RBFOX1: variants seen among roughly 807,000 people sequenced by gnomAD.
RBFOX1 encodes the protein RNA binding protein fox-1 homolog 1.
Under a neutral mutation model 57.7 loss-of-function variants are expected in RBFOX1, and 8 were observed. The ratio of observed to expected loss-of-function variants is 0.14; its 90% CI spans 0.08 to 0.25. The LOEUF is 0.25. RBFOX1 is among the 10% of genes least tolerant of loss of function. The pLI is 1.00. For synonymous variants in RBFOX1, 326 were observed against 222.4 expected (o/e 1.47, Z -4.15); for missense variants, 611 against 548.5 (o/e 1.11, Z -1.14).
chr16:7,392,754 G>C (rs779798798), intron 4 of RBFOX1, among the ~76,000 whole-genome samples: 1 of 152,158 alleles, frequency 6.6e-6, no homozygotes, highest in Non-Finnish European at 1.5e-5. Context: ...GGTCATTGCT[G>C]AATCTAAGGG....
intron 4 of RBFOX1, among the ~76,000 whole-genome samples, chr16:7,304,939 TGTGTG>T (rs1414701553): frequency 7.3e-5 from 11 of 150,916 alleles, no homozygotes; most frequent in Non-Finnish European, 1.6e-4. Flanking sequence ...TGTGTGTGTG[TGTGTG>T]TGTGTGTGTG....
intron 3 of RBFOX1, among the ~76,000 whole-genome samples, chr16:6,860,185 T>C (rs1227710080): frequency 6.6e-6 from 1 of 152,228 alleles, no homozygotes; most frequent in African/African-American, 2.4e-5. Flanking sequence ...TCATCTGCAA[T>C]AGCGGAAATG....
At chr16:5,702,894 A>T (rs1567418965) in intron 3 of RBFOX1, among the ~76,000 whole-genome samples, 1 of 152,150 alleles carries the variant, frequency 6.6e-6, no homozygotes, top group Non-Finnish European at 1.5e-5. Flanking sequence ...AATATGGGGA[A>T]TAGGGGATAC....
intron 3 of RBFOX1, among the ~76,000 whole-genome samples, chr16:5,703,125 G>A (rs1349162627): frequency 6.6e-6 from 1 of 152,172 alleles, no homozygotes; most frequent in Admixed American, 6.5e-5. Context: ...GGCATTTACA[G>A]TCTAAGGCAT....
chr16:6,894,770 C>T (rs918508972), intron 3 of RBFOX1, among the ~76,000 whole-genome samples: 1 of 152,080 alleles, frequency 6.6e-6, no homozygotes, highest in African/African-American at 2.4e-5. Context: ...TTTCTATTAT[C>T]TTAAAAAGCC....
intron 4 of RBFOX1, among the ~76,000 whole-genome samples, chr16:7,368,279 A>G (rs2097500684): frequency 1.3e-5 from 2 of 150,466 alleles, no homozygotes; most frequent in Non-Finnish European, 3.0e-5. Context: ...AAAAAAAAAA[A>G]GAGAGAGAAG....
intron 1 of RBFOX1, among the ~76,000 whole-genome samples, chr16:6,065,579 C>G (rs889697): frequency 0.93 from 141,495 of 152,264 alleles, 65,807 homozygotes; most frequent in African/African-American, 0.96. Flanking sequence ...CTGGGGGTTT[C>G]TTAGCAGATA....
At chr16:6,804,610 C>T (rs2086285606) in intron 3 of RBFOX1, among the ~76,000 whole-genome samples, 1 of 152,130 alleles carries the variant, frequency 6.6e-6, no homozygotes, top group African/African-American at 2.4e-5. Context: ...TCAAGTTTCA[C>T]AATGTGTTCT....
chr16:7,561,462 A>T (rs529647398), intron 5 of RBFOX1, among the ~76,000 whole-genome samples: 1 of 152,232 alleles, frequency 6.6e-6, no homozygotes, highest in Non-Finnish European at 1.5e-5. Flanking sequence ...CCACCTGCCA[A>T]TGCAGGAGAA....
chr16:6,734,192 G>A (rs188532579), intron 3 of RBFOX1, among the ~76,000 whole-genome samples: 9 of 152,166 alleles, frequency 5.9e-5, no homozygotes, highest in African/African-American at 1.4e-4. Flanking sequence ...GCCCACATCC[G>A]TGCAGCTCTG....
At chr16:6,721,414 G>T (rs2065969315) in intron 3 of RBFOX1, among the ~76,000 whole-genome samples, 1 of 152,212 alleles carries the variant, frequency 6.6e-6, no homozygotes, top group Admixed American at 6.5e-5. Context: ...CTGCACTCCA[G>T]CCTGGGGGAC....
intron 5 of RBFOX1, among the ~76,000 whole-genome samples, chr16:7,575,355 G>T (rs1255846072): frequency 6.6e-6 from 1 of 152,072 alleles, no homozygotes; most frequent in African/African-American, 2.4e-5. Flanking sequence ...GGCTGGTCTT[G>T]AACTCCTTAC....
intron 2 of RBFOX1, among the ~76,000 whole-genome samples, chr16:5,570,268 C>G (rs2046235783): frequency 6.6e-6 from 1 of 152,072 alleles, no homozygotes; most frequent in Non-Finnish European, 1.5e-5. Context: ...GGTATGGGTT[C>G]AAATCCTGTT....
At chr16:7,035,065 C>T (rs1251191749) in intron 3 of RBFOX1, among the ~76,000 whole-genome samples, 1 of 151,446 alleles carries the variant, frequency 6.6e-6, no homozygotes, top group African/African-American at 2.4e-5. Flanking sequence ...CCAGGGTGGT[C>T]TCAAACTTGT....
In RBFOX1 at chr16:6,819,729, AAATAAC is replaced by A. The variant is rs1328838349; in HGVS notation, c.-16+165082_-16+165087del. Among the ~76,000 whole-genome samples the A allele has an allele frequency of 3.3e-3, 321 of 98,366 alleles. 39 individuals are homozygous for A. Among genetic ancestry groups the A allele is most frequent in the African/African-American group, 0.011 (292 of 25,802 alleles). 64.5% of individuals were successfully genotyped at this position (98,366 alleles called of 152,430 possible). A position where few individuals can be genotyped will look rare whatever the true frequency, so the allele number is the denominator to read the frequency against. On this transcript the variant is annotated intron_variant, in intron 3 of 15. Transcript: ENST00000550418. ...TCAAAAAAAAAAAAAAAAAAAAAAA[AAATAAC>A]AACACCAAAAGGTATATAGTATAAC... is the stretch of plus-strand genomic sequence containing the variant.
At chr16:7,405,401 A>G (rs1329443387) in intron 4 of RBFOX1, among the ~76,000 whole-genome samples, 2 of 152,122 alleles carry the variant, frequency 1.3e-5, no homozygotes, top group Non-Finnish European at 2.9e-5. Context: ...TCCCTGTTCC[A>G]CCAGGTGTTG....
chr16:5,776,382 C>G (rs908334931), intron 3 of RBFOX1, among the ~76,000 whole-genome samples: 1 of 152,172 alleles, frequency 6.6e-6, no homozygotes, highest in East Asian at 1.9e-4. Context: ...CCTTCAGCAG[C>G]ATGAGACCAC....
intron 1 of RBFOX1, among the ~76,000 whole-genome samples, chr16:6,026,886 T>C (rs1267428097): frequency 6.6e-6 from 1 of 152,222 alleles, no homozygotes; most frequent in Non-Finnish European, 1.5e-5. Context: ...CAGTCACAGC[T>C]GGAGCTGCTC....
chr16:7,448,909 G>A (rs2098828954), intron 4 of RBFOX1, among the ~76,000 whole-genome samples: 1 of 124,064 alleles, frequency 8.1e-6, no homozygotes, highest in Admixed American at 8.1e-5. Context: ...GTTCTTGGTA[G>A]ACATTTTTCT....
Sources: gnomAD v4.1 joint callset for allele counts (sites outside exome capture counted in the v4.1 genomes callset) on GRCh38, gnomAD v4.1.1 for gene constraint, MANE v1.5 for transcripts, NCBI Gene and HGNC (gene_info 2026-07-23, HGNC 2026-07-21) for gene names.